IQSEC1: variants seen among roughly 807,000 people sequenced by gnomAD.
IQSEC1 encodes the protein IQ motif and Sec7 domain ArfGEF 1, also known as IQ motif and SEC7 domain-containing protein 1.
In IQSEC1, 31 loss-of-function variants were observed where a neutral mutation model predicts 91.0. That is an observed-to-expected ratio of 0.34 (90% CI 0.26 to 0.46). The LOEUF (loss-of-function observed/expected upper bound fraction) is 0.46, where lower values mean the gene tolerates loss of function less well. IQSEC1 is among the 20% of genes least tolerant of loss of function. The pLI is 1.00. For synonymous variants in IQSEC1, 699 were observed against 662.6 expected, an observed-to-expected ratio of 1.05 and a Z score of -0.84; for missense variants, 1,388 against 1,575.6, an observed-to-expected ratio of 0.88 and a Z score of 2.02.
rs567802714 is a variant in IQSEC1, at chr3:13,041,555, C to T, written c.23+31437G>A. On this transcript the variant is annotated intron_variant, in intron 1 of 13. Coordinates refer to ENST00000613206, the MANE Select transcript of IQSEC1 (RefSeq NM_001134382.3). ...CTCCTCCAGGTCTTTAATAACACGC[C>T]GTTCAAGGTGACCATGGCGACGGCT... Among the ~76,000 whole-genome samples, 16 of 152,254 alleles carry T rather than the reference C, an allele frequency of 1.1e-4. No individual in the cohort carries two copies. In the East Asian group the frequency reaches 2.9e-3, roughly 28 times the overall value.
intron 2 of IQSEC1, among the ~76,000 whole-genome samples, chr3:13,088,165 T>C (rs56413234): frequency 0.34 from 51,688 of 151,998 alleles, 9,137 homozygotes; most frequent in East Asian, 0.56. Flanking sequence ...ACTGGATTAG[T>C]TTCATGTCTG....
rs536860033 is a variant in IQSEC1, at chr3:13,219,691, G to A, written c.273-55558C>T. Among the ~76,000 whole-genome samples, 45 of 152,338 alleles carry A rather than the reference G, an allele frequency of 3.0e-4. 1 individual carries two copies. The highest frequency in any genetic ancestry group is 2.0e-4 in the Admixed American group (3 of 15,304). On this transcript the variant is annotated intron_variant, in intron 1 of 15. Transcript: ENST00000648114. The stretch of plus-strand genomic sequence containing the variant: ...GCTTTCTGCTTGCTGGGGCAGTGGC[G>A]CCAGTGCTGGCCCAAGGCCCGGCCA...
chr3:13,009,483 A>AG (rs1702780476), intron 1 of IQSEC1, among the ~76,000 whole-genome samples: 1 of 151,946 alleles, frequency 6.6e-6, no homozygotes, highest in Non-Finnish European at 1.5e-5. Flanking sequence ...GCCCTGAGCC[A>AG]GGTGGGCGGC....
intron 1 of IQSEC1, among the ~76,000 whole-genome samples, chr3:13,236,412 G>A (rs148193335): frequency 1.1e-4 from 16 of 152,306 alleles, no homozygotes; most frequent in African/African-American, 2.9e-4. Context: ...TCTTTTCTGC[G>A]CATGTGATGT....
In IQSEC1 at chr3:13,177,607, C is replaced by A. The variant is rs533789821; in HGVS notation, c.273-13474G>T. Among the ~76,000 whole-genome samples the A allele has an allele frequency of 2.2e-4, 34 of 152,324 alleles. 2 individuals carry two copies. In the South Asian group the frequency reaches 5.4e-3, roughly 24 times the overall value. On this transcript the variant is annotated intron_variant, in intron 1 of 15. Transcript: ENST00000648114. Reference sequence around the variant, plus strand: ...TGGACAGAGGTGTCTGGGTCTCAATCCTGGATCTTTTTGTGTGGCCCCTGG... The same window carrying A: ...TGGACAGAGGTGTCTGGGTCTCAATACTGGATCTTTTTGTGTGGCCCCTGG...
At chr3:13,058,221 C>T (rs1047152791) in intron 1 of IQSEC1, among the ~76,000 whole-genome samples, 3 of 152,092 alleles carry the variant, frequency 2.0e-5, no homozygotes, top group Middle Eastern at 3.2e-3. Context: ...TGCAGTGAGC[C>T]GAGATGGCGC....
intron 2 of IQSEC1, among the ~76,000 whole-genome samples, chr3:13,098,706 G>A (rs1021788989): frequency 1.3e-5 from 2 of 152,194 alleles, no homozygotes; most frequent in African/African-American, 4.8e-5. Flanking sequence ...CACAAGGCCA[G>A]TGTATATGGT....
chr3:13,032,785 C>G (rs562734769), intron 1 of IQSEC1, among the ~76,000 whole-genome samples: 2 of 152,120 alleles, frequency 1.3e-5, no homozygotes, highest in South Asian at 4.1e-4. Context: ...GGGGTTTCAC[C>G]GTGTTAGCCA....
rs558581064 is a variant in IQSEC1, at chr3:13,153,894, G to A, written c.302+10210C>T. Among the ~76,000 whole-genome samples, 11 of 152,234 alleles carry A rather than the reference G, an allele frequency of 7.2e-5. No individual in the cohort carries two copies. In the East Asian group the frequency reaches 1.7e-3, roughly 24 times the overall value. On this transcript the variant is annotated intron_variant, in intron 2 of 15. Transcript: ENST00000648114. The stretch of plus-strand genomic sequence containing the variant: ...GCTCCCCAGAGAGGAAACCACACGT[G>A]CAAAGAGATGGAGGTATGAGTGTGC...
intron 1 of IQSEC1, among the ~76,000 whole-genome samples, chr3:13,164,284 G>A (rs73029474): frequency 6.6e-6 from 1 of 152,232 alleles, no homozygotes; most frequent in Non-Finnish European, 1.5e-5. Flanking sequence ...AATCCTCCGG[G>A]GTCTCTTGCT....
chr3:12,900,966 A>AC lies in IQSEC1; in HGVS notation c.*16dup, dbSNP rs763047691. 9.7e-6 allele frequency: 15 copies of AC among 1,541,258 alleles called. No homozygotes were observed. The highest frequency in any genetic ancestry group is 9.6e-5 in the African/African-American group (7 of 72,816). ...GTGCAGGTGTTTCAGGGAGCCTGGGACCCCTACCCAGGCTGTCTACACAAT... is the reference window on the plus strand; with the variant it reads ...GTGCAGGTGTTTCAGGGAGCCTGGGACCCCCTACCCAGGCTGTCTACACAAT... On this transcript the variant is annotated 3_prime_UTR_variant, in exon 14 of 14. Transcript: ENST00000613206.
intron 2 of IQSEC1, among the ~76,000 whole-genome samples, chr3:13,100,574 A>G (rs10212127): frequency 0.017 from 2,470 of 148,488 alleles, 370 homozygotes; most frequent in African/African-American, 0.058. Flanking sequence ...GGCAACTACA[A>G]GGTCACTGAT....
rs942819607 is a variant in IQSEC1 at position 12,899,786 on chromosome 3, A to AAAC, written c.*1194_*1196dup. ...CAGGTTCGAGAGTGGTTCCTGATGA[A>AAAC]AACACTCTCTGAGGGCTTCGGCCTG... On this transcript the variant is annotated 3_prime_UTR_variant, in exon 14 of 14. Coordinates refer to ENST00000613206, the MANE Select transcript of IQSEC1 (RefSeq NM_001134382.3). The AAAC allele has an allele frequency of 5.1e-6, 5 of 985,204 alleles. No individual in the cohort carries two copies. Among genetic ancestry groups the AAAC allele is most frequent in the Admixed American group, 1.2e-4 (2 of 16,252 alleles). 61.0% of individuals were successfully genotyped at this position (985,204 alleles called of 1,614,324 possible).
In IQSEC1 at chr3:12,935,513, C is replaced by A. The variant is rs543348361; in HGVS notation, c.1503G>T (p.Ser501=). 1 of 1,613,950 alleles carries A rather than the reference C, an allele frequency of 6.2e-7. No homozygotes were observed. The highest frequency in any genetic ancestry group is 8.5e-7 in the Non-Finnish European group (1 of 1,179,894). ...YHKEARNSWD[S]PAFSNDVIRK... ...GGATGACATCGTTGCTAAAGGCAGG[C>A]GAGTCCCAGCTGTTGCGGGCCTCCT... The change falls in exon 3 of 14, where the codon TCG becomes TCT. Residue 501 remains serine, a synonymous_variant. Transcript: ENST00000613206. The surrounding 1 kb of genome is among the most constrained non-coding windows in gnomAD (Gnocchi z 8.0).
intron 1 of IQSEC1, among the ~76,000 whole-genome samples, chr3:12,986,091 T>A (rs1330733628): frequency 6.6e-6 from 1 of 152,222 alleles, no homozygotes. Context: ...ATGCTATTAC[T>A]GACATCTTCC....
upstream of IQSEC1, among the ~76,000 whole-genome samples, chr3:13,076,978 G>C (rs888745438): frequency 6.6e-6 from 1 of 150,632 alleles, no homozygotes; most frequent in Non-Finnish European, 1.5e-5. Flanking sequence ...AAAATAGGAA[G>C]TATTACATAG....
At chr3:13,145,970 A>T (rs1348589836) in intron 2 of IQSEC1, among the ~76,000 whole-genome samples, 2 of 152,184 alleles carry the variant, frequency 1.3e-5, no homozygotes, top group African/African-American at 2.4e-5. Flanking sequence ...AGGCGGGTGC[A>T]GACCCTGCAC....
intron 1 of IQSEC1, among the ~76,000 whole-genome samples, chr3:12,988,660 G>A (rs1216729501): frequency 2.6e-5 from 4 of 152,176 alleles, no homozygotes; most frequent in Non-Finnish European, 4.4e-5. Context: ...TCAGGATGAC[G>A]ACAATCTCTG....
intron 2 of IQSEC1, among the ~76,000 whole-genome samples, chr3:13,094,780 C>A (rs1705926335): frequency 6.6e-6 from 1 of 152,200 alleles, no homozygotes; most frequent in Admixed American, 6.5e-5. Flanking sequence ...TCCCACTGAG[C>A]ACGGTGTGAC....
Sources: gnomAD v4.1 joint callset for allele counts (sites outside exome capture counted in the v4.1 genomes callset) on GRCh38, gnomAD v4.1.1 for gene constraint, Gnocchi (gnomAD v3.1) non-coding constraint, MANE v1.5 for transcripts, NCBI Gene and HGNC (gene_info 2026-07-23, HGNC 2026-07-21) for gene names.